GRIK2: variants seen among roughly 807,000 people sequenced by gnomAD.
GRIK2 encodes glutamate ionotropic receptor kainate type subunit 2, also known as glutamate receptor ionotropic, kainate 2.
Under a neutral mutation model 100.3 loss-of-function variants are expected in GRIK2, and 32 were observed. That is an observed-to-expected ratio of 0.32 (90% CI 0.24 to 0.43). The LOEUF (loss-of-function observed/expected upper bound fraction) is 0.43, where lower values mean the gene tolerates loss of function less well. Among genes scored for constraint, GRIK2 ranks in the 20% least tolerant of loss-of-function variants. The pLI is 1.00. For synonymous variants in GRIK2, 417 were observed against 389.4 expected, an observed-to-expected ratio of 1.07 and a Z score of -0.83; for missense variants, 843 against 1,114.9, an observed-to-expected ratio of 0.76 and a Z score of 3.47.
At chr6:101,487,948 A>T in intron 2 of GRIK2, among the ~76,000 whole-genome samples, 1 of 146,344 alleles carries the variant, frequency 6.8e-6, no homozygotes, top group East Asian at 1.9e-4. Context: ...CGGGAAAAAA[A>T]ATCTGTATTT....
intron 14 of GRIK2, among the ~76,000 whole-genome samples, chr6:102,017,032 C>T (rs994618252): frequency 7.9e-5 from 12 of 151,964 alleles, no homozygotes; most frequent in Admixed American, 2.6e-4. Flanking sequence ...ATCTAAGCTT[C>T]GTAAGCAAAG....
chr6:101,969,491 A>G (rs773813569), intron 14 of GRIK2, among the ~76,000 whole-genome samples: 1 of 152,012 alleles, frequency 6.6e-6, no homozygotes, highest in Middle Eastern at 3.2e-3. Flanking sequence ...GAAAATATGA[A>G]CAATGACCTC....
intron 2 of GRIK2, among the ~76,000 whole-genome samples, chr6:101,445,228 A>G (rs1483334405): frequency 6.6e-6 from 1 of 152,058 alleles, no homozygotes; most frequent in Non-Finnish European, 1.5e-5. Context: ...CATATTGATG[A>G]CCATTGATGA....
intron 2 of GRIK2, among the ~76,000 whole-genome samples, chr6:101,461,595 A>G (rs1472905341): frequency 1.3e-5 from 2 of 152,212 alleles, no homozygotes; most frequent in Non-Finnish European, 2.9e-5. Context: ...CAGATAATCC[A>G]TGATGGTTTC....
intron 11 of GRIK2, among the ~76,000 whole-genome samples, chr6:101,867,390 C>CT (rs1785118441): frequency 6.7e-6 from 1 of 149,518 alleles, no homozygotes; most frequent in South Asian, 2.1e-4. Flanking sequence ...TATTTTTAAA[C>CT]TTTTTTTCTC....
At chr6:101,513,269 G>C (rs1231023903) in intron 2 of GRIK2, among the ~76,000 whole-genome samples, 1 of 152,118 alleles carries the variant, frequency 6.6e-6, no homozygotes, top group African/African-American at 2.4e-5. Flanking sequence ...TTTTCTGTTT[G>C]ACAATTGGTT....
chr6:101,909,071 A>G (rs1454357736), intron 12 of GRIK2, among the ~76,000 whole-genome samples: 1 of 151,226 alleles, frequency 6.6e-6, no homozygotes, highest in Non-Finnish European at 1.5e-5. Flanking sequence ...CCCAACTTCA[A>G]AGTAAAAAAC....
At chr6:101,549,197 G>C (rs549570221) in intron 2 of GRIK2, among the ~76,000 whole-genome samples, 2 of 150,348 alleles carry the variant, frequency 1.3e-5, no homozygotes, top group Non-Finnish European at 3.0e-5. Flanking sequence ...TGGCATGAAA[G>C]AGAATGGGTT....
Position 101,412,708 on chromosome 6 carries a change from G to A in GRIK2, c.115+13316G>A, listed in dbSNP as rs539574378. Among the ~76,000 whole-genome samples, 55 of 151,984 alleles carry A rather than the reference G, an allele frequency of 3.6e-4. 2 individuals carry two copies. The South Asian group carries it at 9.3e-3, about 26-fold the overall frequency. The stretch of plus-strand genomic sequence containing the variant: ...GTAATTTCAAGAAAATGCATCCAGT[G>A]GTGTGCAGTTCTCTGGAAGACAAAC... On this transcript the variant is annotated intron_variant, in intron 2 of 16. Transcript: ENST00000369134.
At chr6:101,520,788 A>G (rs772184294) in intron 2 of GRIK2, among the ~76,000 whole-genome samples, 2 of 152,110 alleles carry the variant, frequency 1.3e-5, no homozygotes, top group Non-Finnish European at 2.9e-5. Flanking sequence ...ATACAATGCT[A>G]TGCAATGGCA....
intron 14 of GRIK2, among the ~76,000 whole-genome samples, chr6:102,030,850 TATCCCC>T (rs1769948076): frequency 6.6e-6 from 1 of 150,996 alleles, no homozygotes; most frequent in Non-Finnish European, 1.5e-5. Context: ...TTAGCTTTGA[TATCCCC>T]TCTGAACTCC....
At chr6:101,789,093 A>T (rs1159848822) in intron 7 of GRIK2, among the ~76,000 whole-genome samples, 2 of 151,918 alleles carry the variant, frequency 1.3e-5, no homozygotes, top group Non-Finnish European at 2.9e-5. Flanking sequence ...TTCATTGTAG[A>T]TTCTGGATAT....
At chr6:101,620,292 A>G (rs1174719166) in intron 2 of GRIK2, 2 of 435,796 alleles carry the variant, frequency 4.6e-6, no homozygotes, top group South Asian at 9.7e-5. Context: ...TTAGACACAT[A>G]TAATTATTAT....
At chr6:101,862,243 C>A (rs879291612) in intron 11 of GRIK2, among the ~76,000 whole-genome samples, 6 of 151,984 alleles carry the variant, frequency 3.9e-5, no homozygotes, top group Non-Finnish European at 5.9e-5. Flanking sequence ...GAAAAAAAGT[C>A]TCTCCTAGTG....
chr6:101,726,625 G>C (rs527391924), intron 7 of GRIK2, among the ~76,000 whole-genome samples: 1 of 152,038 alleles, frequency 6.6e-6, no homozygotes, highest in South Asian at 2.1e-4. Context: ...GTAACATACT[G>C]TCAAAAATAT....
intron 2 of GRIK2, among the ~76,000 whole-genome samples, chr6:101,404,062 T>A (rs1775477735): frequency 1.3e-5 from 2 of 152,248 alleles, no homozygotes; most frequent in African/African-American, 2.4e-5. Context: ...TCTACCCAGA[T>A]ACATGAAACT....
chr6:101,503,749 C>T (rs1773886593), intron 2 of GRIK2, among the ~76,000 whole-genome samples: 1 of 152,114 alleles, frequency 6.6e-6, no homozygotes, highest in Non-Finnish European at 1.5e-5. Flanking sequence ...GTTCTTTTAA[C>T]ACTTTTCCCT....
intron 2 of GRIK2, among the ~76,000 whole-genome samples, chr6:101,411,221 A>G (rs1775870839): frequency 6.6e-6 from 1 of 152,040 alleles, no homozygotes; most frequent in East Asian, 1.9e-4. Flanking sequence ...TCTTCCATGT[A>G]TCAACTATCT....
At chr6:101,634,668 A>G (rs1562274984) in intron 4 of GRIK2, among the ~76,000 whole-genome samples, 2 of 152,098 alleles carry the variant, frequency 1.3e-5, no homozygotes, top group Non-Finnish European at 2.9e-5. Context: ...ATAAATATAG[A>G]CATGAGAAGA....
Sources: gnomAD v4.1 joint callset for allele counts (sites outside exome capture counted in the v4.1 genomes callset) on GRCh38, gnomAD v4.1.1 for gene constraint, MANE v1.5 for transcripts, NCBI Gene and HGNC (gene_info 2026-07-23, HGNC 2026-07-21) for gene names.